The following CDC14A variants were observed in gnomAD, a reference collection of about 807,000 sequenced individuals.
CDC14A encodes dual specificity protein phosphatase CDC14A.
CDC14A carries 53 observed loss-of-function variants against 74.4 expected under a neutral mutation model. The observed-to-expected ratio is 0.71, with a 90% CI of 0.57 to 0.89. The LOEUF (loss-of-function observed/expected upper bound fraction) is 0.89, where lower values mean the gene tolerates loss of function less well. CDC14A is among the 40% of genes least tolerant of loss of function. The pLI, the probability that CDC14A is intolerant of heterozygous loss-of-function variation, is 0.00. For missense variants in CDC14A, 646 were observed against 713.7 expected, an observed-to-expected ratio of 0.91 and a Z score of 1.08; for synonymous variants, 247 against 258.4, an observed-to-expected ratio of 0.96 and a Z score of 0.43.
intron 8 of CDC14A, among the ~76,000 whole-genome samples, chr1:100,461,229 T>C (rs1667282203): frequency 1.3e-5 from 2 of 152,196 alleles, no homozygotes; most frequent in Non-Finnish European, 2.9e-5. Flanking sequence ...CCTCCTCAGG[T>C]TGAGGTTTAG....
At chr1:100,413,604 A>G (rs1300813494) in intron 4 of CDC14A, among the ~76,000 whole-genome samples, 6 of 152,204 alleles carry the variant, frequency 3.9e-5, no homozygotes, top group Non-Finnish European at 7.3e-5. Context: ...AGTTGCCATA[A>G]GTACATGGGA....
intron 3 of CDC14A, among the ~76,000 whole-genome samples, chr1:100,383,987 C>T (rs1485607616): frequency 1.3e-5 from 2 of 151,852 alleles, no homozygotes; most frequent in Non-Finnish European, 2.9e-5. Flanking sequence ...TGAAGCTGAA[C>T]AAGTGCATGA....
chr1:100,384,013 A>G (rs1020986339), intron 3 of CDC14A, among the ~76,000 whole-genome samples: 3 of 152,202 alleles, frequency 2.0e-5, no homozygotes, highest in South Asian at 4.2e-4. Context: ...GTTTGTTGCC[A>G]TAATCCAAGT....
intron 15 of CDC14A, among the ~76,000 whole-genome samples, chr1:100,509,784 G>A (rs1649564231): frequency 6.6e-6 from 1 of 152,216 alleles, no homozygotes; most frequent in Non-Finnish European, 1.5e-5. Context: ...ATGTGGGAGA[G>A]AACTGTTTTT....
Position 100,483,797 on chromosome 1 carries a change from T to TA in CDC14A, c.978-492dup, listed in dbSNP as rs549208563. Reference sequence around the variant, plus strand: ...CTTTTAGATTCTAAGAGTAGGTTTTTAAAGTTATGTGTGAGGGCCTTTCAT... The same window carrying TA: ...CTTTTAGATTCTAAGAGTAGGTTTTTAAAAGTTATGTGTGAGGGCCTTTCAT... On this transcript the variant is annotated intron_variant, in intron 10 of 15. Transcript: ENST00000336454. Among the ~76,000 whole-genome samples, 155 of 152,288 alleles carry TA rather than the reference T, an allele frequency of 1.0e-3. 1 individual carries two copies. Among genetic ancestry groups the TA allele is most frequent in the Non-Finnish European group, 1.7e-3 (118 of 67,998 alleles).
At chr1:100,418,805 T>C (rs1661869260) in intron 4 of CDC14A, among the ~76,000 whole-genome samples, 3 of 152,288 alleles carry the variant, frequency 2.0e-5, no homozygotes, top group South Asian at 2.1e-4. Context: ...TTTTGTAAAA[T>C]ATGAAAAGAT....
chr1:100,445,421 A>G (rs1665425071), intron 7 of CDC14A, among the ~76,000 whole-genome samples: 1 of 152,168 alleles, frequency 6.6e-6, no homozygotes, highest in Non-Finnish European at 1.5e-5. Context: ...CCCCACCAAA[A>G]CCTGGATCTC....
intron 15 of CDC14A, among the ~76,000 whole-genome samples, chr1:100,507,694 A>C (rs1205450571): frequency 1.3e-5 from 2 of 151,762 alleles, no homozygotes; most frequent in East Asian, 3.9e-4. Flanking sequence ...TTTTAATAGA[A>C]GGAGTCTCAC....
chr1:100,422,106 A>G (rs1217289169), intron 4 of CDC14A, among the ~76,000 whole-genome samples: 6 of 152,140 alleles, frequency 3.9e-5, no homozygotes, highest in African/African-American at 1.2e-4. Context: ...TTCACTTTGC[A>G]CTTATTAATA....
intron 10 of CDC14A, among the ~76,000 whole-genome samples, chr1:100,480,337 G>A (rs1276975946): frequency 6.6e-6 from 1 of 152,102 alleles, no homozygotes; most frequent in Non-Finnish European, 1.5e-5. Context: ...TTCTTTTAGA[G>A]GCTCAATAAT....
chr1:100,362,238 A>G (rs931365343), intron 2 of CDC14A, among the ~76,000 whole-genome samples: 1 of 152,186 alleles, frequency 6.6e-6, no homozygotes, highest in Non-Finnish European at 1.5e-5. Context: ...ACTGATCTCA[A>G]GTTCCTTTCT....
intron 10 of CDC14A, among the ~76,000 whole-genome samples, chr1:100,478,990 C>G (rs1571299681): frequency 6.6e-6 from 1 of 152,092 alleles, no homozygotes; most frequent in African/African-American, 2.4e-5. Flanking sequence ...GCTGCTGGTC[C>G]CTGAACCATA....
intron 7 of CDC14A, among the ~76,000 whole-genome samples, chr1:100,445,586 A>C (rs949533371): frequency 6.6e-6 from 1 of 152,184 alleles, no homozygotes; most frequent in African/African-American, 2.4e-5. Context: ...TCAAGGAGAA[A>C]ACTTGTGGAT....
intron 11 of CDC14A, among the ~76,000 whole-genome samples, chr1:100,487,587 A>AAAC (rs1227089172): frequency 7.3e-6 from 1 of 137,236 alleles, no homozygotes; most frequent in Non-Finnish European, 1.5e-5. Context: ...AAACAAAACA[A>AAAC]AACAAAACAA....
chr1:100,369,053 A>G (rs1654042481), intron 2 of CDC14A, among the ~76,000 whole-genome samples: 1 of 151,828 alleles, frequency 6.6e-6, no homozygotes, highest in Non-Finnish European at 1.5e-5. Flanking sequence ...CCCGCCGCCA[A>G]CAGTGTGAAT....
chr1:100,375,740 C>T (rs571125230), intron 2 of CDC14A, among the ~76,000 whole-genome samples: 28 of 152,108 alleles, frequency 1.8e-4, no homozygotes, highest in Non-Finnish European at 3.1e-4. Flanking sequence ...GACAGTGTGG[C>T]GATTCCTCAA....
At chr1:100,495,043 A>G (rs538732944) in intron 12 of CDC14A, 113 bp downstream of exon 12, 10 of 616,274 alleles carry the variant, frequency 1.6e-5, no homozygotes, top group Non-Finnish European at 2.8e-5. Flanking sequence ...TACAAATACT[A>G]AGTTTACTAT....
chr1:100,388,774 T>C (rs1657229511), intron 3 of CDC14A, among the ~76,000 whole-genome samples: 1 of 152,140 alleles, frequency 6.6e-6, no homozygotes, highest in Admixed American at 6.5e-5. Context: ...TAGTCTCAAA[T>C]TCCCAGCCCT....
At chr1:100,480,908 C>G (rs1669397641) in intron 10 of CDC14A, 1 of 152,142 alleles carries the variant, frequency 6.6e-6, no homozygotes, top group African/African-American at 2.4e-5. Flanking sequence ...GCTTCATTTT[C>G]TAGTATGTTT....
Sources: allele counts gnomAD v4.1 joint callset (sites outside exome capture counted in the v4.1 genomes callset), GRCh38; gene constraint gnomAD v4.1.1; transcripts MANE v1.5; gene names NCBI Gene and HGNC (gene_info 2026-07-23, HGNC 2026-07-21).